The following UNC5D variants were observed in gnomAD, a reference collection of about 807,000 sequenced individuals.
UNC5D encodes netrin receptor UNC5D.
A neutral mutation model predicts 105.4 loss-of-function variants in UNC5D; 39 were observed. The ratio of observed to expected loss-of-function variants is 0.37; its 90% CI spans 0.29 to 0.48. The LOEUF (loss-of-function observed/expected upper bound fraction) is 0.48. Among genes scored for constraint, UNC5D ranks in the 20% least tolerant of loss-of-function variants. The pLI is 0.98. For synonymous variants in UNC5D, 452 were observed against 450.4 expected (o/e 1.00, Z -0.04); for missense variants, 991 against 1,202.4 (o/e 0.82, Z 2.60).
intron 1 of UNC5D, among the ~76,000 whole-genome samples, chr8:35,308,111 A>AGTGTGT (rs1808571538): frequency 9.2e-6 from 1 of 108,610 alleles, no homozygotes; most frequent in Non-Finnish European, 1.9e-5. Flanking sequence ...TCTATGTCAC[A>AGTGTGT]ATGTATGTGT....
At chr8:35,287,485 C>G (rs927681684) in intron 1 of UNC5D, among the ~76,000 whole-genome samples, 2 of 151,806 alleles carry the variant, frequency 1.3e-5, no homozygotes, top group Non-Finnish European at 2.9e-5. Flanking sequence ...TAACTGAACC[C>G]TAAAAGTCAA....
At chr8:35,306,519 A>G (rs1351826631) in intron 1 of UNC5D, among the ~76,000 whole-genome samples, 1 of 152,104 alleles carries the variant, frequency 6.6e-6, no homozygotes, top group Non-Finnish European at 1.5e-5. Context: ...AACAAGAGAG[A>G]GCAGTCTATA....
At chr8:35,345,950 G>T (rs1441325138) in intron 1 of UNC5D, among the ~76,000 whole-genome samples, 1 of 152,028 alleles carries the variant, frequency 6.6e-6, no homozygotes, top group Non-Finnish European at 1.5e-5. Flanking sequence ...TCTGTGGATA[G>T]TCTATCCTGA....
At chr8:35,313,722 G>A (rs1448795174) in intron 1 of UNC5D, among the ~76,000 whole-genome samples, 1 of 152,158 alleles carries the variant, frequency 6.6e-6, no homozygotes, top group Non-Finnish European at 1.5e-5. Flanking sequence ...GCTATGTGGT[G>A]TTGGTAAGTT....
intron 4 of UNC5D, among the ~76,000 whole-genome samples, chr8:35,618,879 G>T (rs1447729061): frequency 6.6e-6 from 1 of 152,092 alleles, no homozygotes; most frequent in African/African-American, 2.4e-5. Flanking sequence ...TGTCTTTCCT[G>T]TCTATTGTAT....
intron 1 of UNC5D, among the ~76,000 whole-genome samples, chr8:35,484,653 T>C (rs1223071937): frequency 1.3e-5 from 2 of 152,136 alleles, no homozygotes; most frequent in African/African-American, 4.8e-5. Flanking sequence ...GACCGAGACA[T>C]AGCATGACTT....
chr8:35,568,469 A>C (rs1349487183), intron 3 of UNC5D, among the ~76,000 whole-genome samples: 1 of 152,254 alleles, frequency 6.6e-6, no homozygotes, highest in Non-Finnish European at 1.5e-5. Context: ...TGGGAGGATC[A>C]CTTGAGATTA....
intron 1 of UNC5D, among the ~76,000 whole-genome samples, chr8:35,496,534 G>A (rs139058546): frequency 2.0e-5 from 3 of 152,194 alleles, no homozygotes; most frequent in East Asian, 1.9e-4. Context: ...CTAGGCTAAC[G>A]GTGGAACTCA....
chr8:35,464,590 G>C (rs373831710), intron 1 of UNC5D, among the ~76,000 whole-genome samples: 3 of 151,928 alleles, frequency 2.0e-5, no homozygotes, highest in East Asian at 3.9e-4. Flanking sequence ...AAGCTTTCTT[G>C]TTCCTAATCT....
chr8:35,790,167 A>G (rs978072135), intron 16 of UNC5D, among the ~76,000 whole-genome samples, 192 bp from the exon 17 acceptor site: 1 of 152,202 alleles, frequency 6.6e-6, no homozygotes, highest in African/African-American at 2.4e-5. Context: ...TATTGGTAAC[A>G]TTCCACAGCA....
intron 1 of UNC5D, among the ~76,000 whole-genome samples, chr8:35,271,944 G>C (rs1186632941): frequency 6.6e-6 from 1 of 151,936 alleles, no homozygotes; most frequent in East Asian, 2.0e-4. Flanking sequence ...CACCGCTGTA[G>C]ATAAGAATAT....
At chr8:35,626,611 G>T (rs1821713942) in intron 4 of UNC5D, among the ~76,000 whole-genome samples, 2 of 152,306 alleles carry the variant, frequency 1.3e-5, no homozygotes, top group African/African-American at 4.8e-5. Context: ...GCTTGAAAAT[G>T]ATTAAAGCAG....
intron 1 of UNC5D, among the ~76,000 whole-genome samples, chr8:35,378,435 G>C (rs1024174773): frequency 6.6e-6 from 1 of 152,116 alleles, no homozygotes; most frequent in Admixed American, 6.5e-5. Context: ...GGACACAAAG[G>C]GTGCTTCAAG....
intron 1 of UNC5D, among the ~76,000 whole-genome samples, chr8:35,501,062 G>A (rs1370649618): frequency 2.0e-5 from 3 of 152,176 alleles, no homozygotes; most frequent in African/African-American, 7.2e-5. Context: ...GGTTAGCACA[G>A]CACTTGTTAC....
At chr8:35,307,453 T>C (rs976110828) in intron 1 of UNC5D, among the ~76,000 whole-genome samples, 1 of 152,190 alleles carries the variant, frequency 6.6e-6, no homozygotes, top group Non-Finnish European at 1.5e-5. Flanking sequence ...TTAAGTATTA[T>C]ACGACATGGT....
chr8:35,687,659 A>G (rs1826106444), intron 7 of UNC5D, among the ~76,000 whole-genome samples: 1 of 152,088 alleles, frequency 6.6e-6, no homozygotes, highest in Non-Finnish European at 1.5e-5. Context: ...GTCAAAGAGA[A>G]ATAGGTTTCA....
At chr8:35,433,872 G>GA (rs1249428800) in intron 1 of UNC5D, among the ~76,000 whole-genome samples, 16 of 149,350 alleles carry the variant, frequency 1.1e-4, no homozygotes, top group East Asian at 3.9e-4. Context: ...GAAAGAAAAA[G>GA]AAAAAAAAGA....
intron 4 of UNC5D, among the ~76,000 whole-genome samples, chr8:35,608,801 T>G (rs1418116320): frequency 1.8e-5 from 2 of 109,292 alleles, no homozygotes; most frequent in African/African-American, 1.6e-4. Flanking sequence ...ATGTATACAT[T>G]TTCTTTAAAT....
intron 1 of UNC5D, among the ~76,000 whole-genome samples, chr8:35,354,802 T>A (rs1801457060): frequency 1.3e-5 from 2 of 152,126 alleles, no homozygotes; most frequent in Non-Finnish European, 2.9e-5. Context: ...GGATGGTTTG[T>A]TTTCCATCCA....
Sources: allele counts gnomAD v4.1 joint callset (sites outside exome capture counted in the v4.1 genomes callset), GRCh38; gene constraint gnomAD v4.1.1; transcripts MANE v1.5; gene names NCBI Gene and HGNC (gene_info 2026-07-23, HGNC 2026-07-21).